Variants in ZRSR2 observed in about 807,000 individuals in gnomAD.
ZRSR2 encodes the protein U2 small nuclear ribonucleoprotein auxiliary factor 35 kDa subunit-related protein 2.
ZRSR2 carries 3 observed loss-of-function variants against 39.4 expected under a neutral mutation model. That is an observed-to-expected ratio of 0.08 (90% CI 0.03 to 0.20). The LOEUF is 0.20. Ranked by LOEUF, ZRSR2 falls within the 10% of genes least tolerant of loss-of-function variation. The pLI, the probability that ZRSR2 is intolerant of heterozygous loss-of-function variation, is 1.00. For missense variants in ZRSR2, 256 were observed against 391.5 expected (o/e 0.65, Z 2.92); for synonymous variants, 137 against 136.0 (o/e 1.01, Z -0.05).
intron 2 of ZRSR2, among the ~76,000 whole-genome samples, chrX:15,796,691 C>A (rs758613207): frequency 9.6e-6 from 1 of 104,424 alleles, no homozygotes; most frequent in African/African-American, 3.5e-5. Flanking sequence ...TGTTGTAGCA[C>A]AACTTTTATA....
intron 5 of ZRSR2, among the ~76,000 whole-genome samples, chrX:15,805,942 A>G (rs1932775117): frequency 9.1e-6 from 1 of 110,295 alleles, no homozygotes. Context: ...AAAAAAAAAA[A>G]AAAAAAGAAA....
intron 7 of ZRSR2, among the ~76,000 whole-genome samples, chrX:15,812,430 C>G (rs1412145907): frequency 1.8e-5 from 2 of 112,094 alleles, no homozygotes; most frequent in African/African-American, 6.5e-5. Flanking sequence ...GCCTTGGTGA[C>G]TTGCTCCAGA....
chrX:15,805,516 C>T (rs1261744854), intron 5 of ZRSR2, among the ~76,000 whole-genome samples: 3 of 112,305 alleles, frequency 2.7e-5, no homozygotes, highest in Admixed American at 1.9e-4. Context: ...ACTTCGCTAG[C>T]GGACAGAGAC....
At chrX:15,797,410 A>G (rs1932515430) in intron 2 of ZRSR2, among the ~76,000 whole-genome samples, 1 of 109,087 alleles carries the variant, frequency 9.2e-6, no homozygotes, top group African/African-American at 3.3e-5. Flanking sequence ...GGGGTTCACC[A>G]TGTTGGCCAG....
intron 7 of ZRSR2, 145 bp downstream of exon 7, chrX:15,809,463 C>T (rs1168881909): frequency 6.3e-6 from 3 of 476,081 alleles, no homozygotes; most frequent in Non-Finnish European, 1.1e-5. Context: ...CTCTCGTTTT[C>T]CCAGCTGATC....
At chrX:15,791,509 C>T (rs1006247568) in intron 2 of ZRSR2, among the ~76,000 whole-genome samples, 1 of 111,194 alleles carries the variant, frequency 9.0e-6, no homozygotes, top group African/African-American at 3.3e-5. Flanking sequence ...GGGTCTTGTT[C>T]TGTTGCCCAG....
intron 9 of ZRSR2, among the ~76,000 whole-genome samples, chrX:15,819,017 C>A (rs1056187451): frequency 9.1e-6 from 1 of 109,825 alleles, no homozygotes. Context: ...GGTGATCCAC[C>A]CACCTCGGCC....
chrX:15,805,554 C>G (rs919992096), intron 5 of ZRSR2, among the ~76,000 whole-genome samples: 1 of 112,240 alleles, frequency 8.9e-6, no homozygotes, highest in African/African-American at 3.2e-5. Flanking sequence ...AGTCTTTGCT[C>G]TCATTGAGCT....
chrX:15,797,538 A>G (rs1932521706), intron 2 of ZRSR2, among the ~76,000 whole-genome samples: 1 of 112,283 alleles, frequency 8.9e-6, no homozygotes, highest in African/African-American at 3.2e-5. Context: ...ATAGATTTAT[A>G]TTTATGGTAG....
intron 9 of ZRSR2, among the ~76,000 whole-genome samples, chrX:15,818,859 C>T (rs1933034042): frequency 1.8e-5 from 2 of 110,584 alleles, no homozygotes; most frequent in South Asian, 7.7e-4. Flanking sequence ...CCACCTCCAC[C>T]TCCCAGGTTC....
intron 2 of ZRSR2, among the ~76,000 whole-genome samples, chrX:15,796,231 C>T (rs1417990191): frequency 1.8e-5 from 2 of 111,787 alleles, no homozygotes; most frequent in Non-Finnish European, 3.8e-5. Context: ...GCACTTCCAG[C>T]ATCGCTAGTC....
rs76231584 is a variant in ZRSR2, at chrX:15,815,740, G to A, written c.621G>A (p.Thr207=). 1.9e-4 allele frequency: 232 copies of A among 1,208,626 alleles called. 1 individual carries two copies. In the East Asian group the frequency reaches 6.5e-3, roughly 34 times the overall value. Residue 207 remains threonine, a synonymous_variant, in exon 8 of 11, where the codon ACG becomes ACA. Coordinates refer to ENST00000307771, the MANE Select transcript of ZRSR2 (RefSeq NM_005089.4). ...SPTLLIKSMF[T]TFGMEQCRRD... ...CCCTTCTTATTAAGAGCATGTTTACGACGTTTGGAATGGAGCAGTGCAGGA... is the reference window on the plus strand; with the variant it reads ...CCCTTCTTATTAAGAGCATGTTTACAACGTTTGGAATGGAGCAGTGCAGGA...
chrX:15,817,259 T>G (rs1207593546), intron 8 of ZRSR2, among the ~76,000 whole-genome samples: 1 of 112,017 alleles, frequency 8.9e-6, no homozygotes, highest in Non-Finnish European at 1.9e-5. Flanking sequence ...TAGAGTTCTC[T>G]CATCCTGGCT....
intron 3 of ZRSR2, chrX:15,801,414 G>A: frequency 3.3e-6 from 1 of 301,229 alleles, no homozygotes; most frequent in Non-Finnish European, 6.4e-6. Flanking sequence ...TGTACTTTTA[G>A]TAGAGATGGG....
chrX:15,815,622 G>T, intron 7 of ZRSR2, 55 bp from the exon 8 acceptor site: 1 of 1,049,510 alleles, frequency 9.5e-7, no homozygotes, highest in African/African-American at 1.8e-5. Flanking sequence ...CAGTTGTTTT[G>T]TGAGTAATTT....
chrX:15,791,115 G>C, intron 2 of ZRSR2, 102 bp downstream of exon 2: 2 of 742,511 alleles, frequency 2.7e-6, no homozygotes, highest in Non-Finnish European at 4.0e-6. Context: ...ATATTGTGTC[G>C]GAGGAAAAAT....
At chrX:15,821,724 T>A (rs1933111887) in intron 10 of ZRSR2, among the ~76,000 whole-genome samples, 1 of 110,936 alleles carries the variant, frequency 9.0e-6, no homozygotes. Context: ...TAGTTTCATT[T>A]CTTAACATTT....
At position 15,808,420 on chromosome X, in the gene ZRSR2, A is replaced by G. The variant is rs1040471510; in HGVS notation, c.438+149A>G. On this transcript the variant is annotated intron_variant, in intron 6 of 10. Coordinates refer to ENST00000307771, the MANE Select transcript of ZRSR2 (RefSeq NM_005089.4). ...TTATGATGCTTTGATTTATACAACA[A>G]CAACAAACTTTATTGATGAACAAAT... is the stretch of plus-strand genomic sequence containing the variant. The G allele has an allele frequency of 3.1e-5, 17 of 541,672 alleles. No individual in the cohort carries two copies. In the African/African-American group the frequency reaches 4.0e-4, roughly 13 times the overall value. 44.6% of individuals were successfully genotyped at this position (541,672 alleles called of 1,213,427 possible).
At chrX:15,794,487 A>G (rs1932385064) in intron 2 of ZRSR2, among the ~76,000 whole-genome samples, 1 of 112,196 alleles carries the variant, frequency 8.9e-6, no homozygotes, top group African/African-American at 3.2e-5. Context: ...CCATATTCTT[A>G]TAATAAAGTA....
Sources: gnomAD v4.1 joint callset for allele counts (sites outside exome capture counted in the v4.1 genomes callset) on GRCh38, gnomAD v4.1.1 for gene constraint, MANE v1.5 for transcripts, NCBI Gene and HGNC (gene_info 2026-07-23, HGNC 2026-07-21) for gene names.